Variants in HFE observed in about 807,000 individuals in gnomAD.
HFE encodes the protein homeostatic iron regulator.
A neutral mutation model predicts 40.9 loss-of-function variants in HFE; 36 were observed. That is an observed-to-expected ratio of 0.88 (90% confidence interval 0.67 to 1.16). The LOEUF (loss-of-function observed/expected upper bound fraction) is 1.16, where lower values mean the gene tolerates loss of function less well. Ranked by LOEUF, HFE falls within the 50% of genes most tolerant of loss-of-function variation. The pLI is 0.00. For missense variants in HFE, 376 were observed against 432.0 expected (o/e 0.87, Z 1.15); for synonymous variants, 157 against 165.4 (o/e 0.95, Z 0.39).
In HFE at chr6:26,091,018, T is replaced by G; in HGVS notation, c.254T>G (p.Leu85Arg). ...AGTAGAATTTCAAGCCAGATGTGGC[T>G]GCAGCTGAGTCAGAGTCTGAAAGGG... ...VSSRISSQMW[L>R]QLSQSLKGWD... Residue 85 changes from leucine to arginine, a missense_variant, in exon 2 of 6, where the codon CTG becomes CGG. Physicochemically the swap from Leu to Arg is moderately radical, Grantham distance 102. Transcript: ENST00000357618. 6.2e-7 allele frequency: 1 copy of G among 1,614,208 alleles called. No homozygotes were observed. Among genetic ancestry groups the G allele is most frequent in the Non-Finnish European group, 8.5e-7 (1 of 1,180,038 alleles).
chr6:26,096,606 T>C lies in HFE; in HGVS notation c.*2380T>C. 2.2e-6 allele frequency: 1 copy of C among 454,118 alleles called. No homozygotes were observed. The highest frequency in any genetic ancestry group is 4.4e-6 in the Non-Finnish European group (1 of 226,390). The allele number at this position is 454,118 out of a possible 1,614,324, so 28.1% of individuals were successfully genotyped here. A position where few individuals can be genotyped will look rare whatever the true frequency, so the allele number is the denominator to read the frequency against. Reference sequence around the variant, plus strand: ...TAGGCATTAAATTTTAGCAAAGATATCTCATCTCTTCTTTTAAACCATTTT... The same window carrying C: ...TAGGCATTAAATTTTAGCAAAGATACCTCATCTCTTCTTTTAAACCATTTT... On this transcript the variant is annotated 3_prime_UTR_variant, in exon 6 of 6. Coordinates refer to ENST00000357618, the MANE Select transcript of HFE (RefSeq NM_000410.4).
In HFE at chr6:26,091,393, T is replaced by C; in HGVS notation, c.420T>C (p.Tyr140=). ...NSTEGYWKYG[Y]DGQDHLEFCP... is the part of the protein sequence containing the mutation. The stretch of plus-strand genomic sequence containing the variant: ...CCGAGGGCTACTGGAAGTACGGGTA[T>C]GATGGGCAGGACCACCTTGAATTCT... Residue 140 remains tyrosine, a synonymous_variant, in exon 3 of 6, where the codon TAT becomes TAC. Coordinates refer to ENST00000357618, the MANE Select transcript of HFE (RefSeq NM_000410.4). 2 of 1,614,136 alleles carry C rather than the reference T, an allele frequency of 1.2e-6. No individual in the cohort carries two copies. The highest frequency in any genetic ancestry group is 1.1e-5 in the South Asian group (1 of 91,088).
chr6:26,092,223 A>G (rs1464450440), intron 3 of HFE, among the ~76,000 whole-genome samples: 2 of 151,020 alleles, frequency 1.3e-5, no homozygotes, highest in Non-Finnish European at 2.9e-5. Context: ...CAGCTATCAT[A>G]TGAATACCAG....
At position 26,087,533 on chromosome 6, in the gene HFE, C is replaced by G; in HGVS notation, c.76+17C>G. 3.1e-6 allele frequency: 5 copies of G among 1,605,608 alleles called. No individual in the cohort carries two copies. The highest frequency in any genetic ancestry group is 4.3e-6 in the Non-Finnish European group (5 of 1,173,292). ...GCTTGCTGCGTGAGTCCGAGGGCTGCGGGCGAACTAGGGGCGCGGCGGGGG... is the reference window on the plus strand; with the variant it reads ...GCTTGCTGCGTGAGTCCGAGGGCTGGGGGCGAACTAGGGGCGCGGCGGGGG... On this transcript the variant is annotated intron_variant, in intron 1 of 5. Coordinates refer to ENST00000357618, the MANE Select transcript of HFE (RefSeq NM_000410.4).
intron 2 of HFE, 47 bp downstream of exon 2, chr6:26,091,151 C>A: frequency 1.2e-6 from 2 of 1,611,744 alleles, no homozygotes; most frequent in Non-Finnish European, 1.7e-6. Flanking sequence ...CAGAGCTTTT[C>A]ATCTTTTCAT....
intron 5 of HFE, 95 bp from the exon 6 acceptor site, chr6:26,094,091 T>A (rs1030500405): frequency 6.7e-6 from 8 of 1,201,520 alleles, no homozygotes; most frequent in Admixed American, 1.7e-5. Context: ...CAGGTCTAAA[T>A]TGAGATGGGT....
rs1762709047 is a variant in HFE at position 26,091,535 on chromosome 6, C to T, written c.562C>T (p.Pro188Ser). Reference sequence around the variant, plus strand: ...CAGGGCCTACCTGGAGAGGGACTGCCCTGCACAGCTGCAGCAGTTGCTGGA... The same window carrying T: ...CAGGGCCTACCTGGAGAGGGACTGCTCTGCACAGCTGCAGCAGTTGCTGGA... ...QNRAYLERDC[P>S]AQLQQLLELG... The change falls in exon 3 of 6, where the codon CCT becomes TCT. Residue 188 changes from proline to serine, a missense_variant. Pro to Ser is a moderately conservative substitution (Grantham distance 74). Transcript: ENST00000357618. 1.2e-6 allele frequency: 2 copies of T among 1,613,754 alleles called. No homozygotes were observed. The highest frequency in any genetic ancestry group is 2.7e-5 in the African/African-American group (2 of 74,876).
In HFE at chr6:26,091,586, C is replaced by A. The variant is rs1581668596; in HGVS notation, c.613C>A (p.Gln205Lys). 2 of 1,612,726 alleles carry A rather than the reference C, an allele frequency of 1.2e-6. No individual in the cohort carries two copies. The highest frequency in any genetic ancestry group is 8.5e-7 in the Non-Finnish European group (1 of 1,179,842). The change falls in exon 3 of 6, where the codon CAA becomes AAA. Residue 205 changes from glutamine (Q) to lysine (K), a missense_variant. Around this residue, in one of 3 missense-constraint regions of HFE, gnomAD observed 173 missense variants for 186.9 expected, o/e 0.93. Transcript: ENST00000357618. ...GCTGGGGAGAGGTGTTTTGGACCAA[C>A]AAGGTATGGTGGAAACACACTTCTG... ...LELGRGVLDQ[Q>K]VPPLVKVTHH...
intron 5 of HFE, 134 bp from the exon 6 acceptor site, chr6:26,094,052 G>A (rs976163360): frequency 1.2e-6 from 1 of 856,050 alleles, no homozygotes; most frequent in South Asian, 1.4e-5. Context: ...CCAGATGAGA[G>A]ATAATGGTTC....
chr6:26,089,277 G>A (rs1213911580), intron 1 of HFE, among the ~76,000 whole-genome samples: 1 of 152,088 alleles, frequency 6.6e-6, no homozygotes, highest in Non-Finnish European at 1.5e-5. Context: ...ACAAACTCCT[G>A]GTTAAGAAGC....
At chr6:26,092,470 T>A in intron 3 of HFE, 3 of 743,878 alleles carry the variant, frequency 4.0e-6, no homozygotes, top group Non-Finnish European at 7.0e-6. Flanking sequence ...GATATGTATA[T>A]TTACATGTGA....
chr6:26,097,782 TTATGTTG>T lies in HFE; in HGVS notation c.*3560_*3566del, dbSNP rs1248097558. 1 of 152,206 alleles carries T rather than the reference TTATGTTG, an allele frequency of 6.6e-6. No individual in the cohort carries two copies. 9.4% of individuals were successfully genotyped at this position (152,206 alleles called of 1,614,324 possible). Reference sequence around the variant, plus strand: ...TGCTGAGAGGTACAGGCCAAAATTCTTATGTTGTATTATAATAATGTCATCTTATAAT... The same window carrying T: ...TGCTGAGAGGTACAGGCCAAAATTCTTATTATAATAATGTCATCTTATAAT... On this transcript the variant is annotated 3_prime_UTR_variant, in exon 6 of 6. Coordinates refer to ENST00000357618, the MANE Select transcript of HFE (RefSeq NM_000410.4).
At chr6:26,090,442 C>CAAAAAA (rs56267433) in intron 1 of HFE, among the ~76,000 whole-genome samples, 2,259 of 36,722 alleles carry the variant, frequency 0.062, 460 homozygotes, top group Non-Finnish European at 0.068. Context: ...GACTCTGTCT[C>CAAAAAA]AAAAAAAAAA....
intron 1 of HFE, among the ~76,000 whole-genome samples, chr6:26,090,196 C>A (rs1027160701): frequency 2.6e-5 from 4 of 151,994 alleles, no homozygotes; most frequent in African/African-American, 9.7e-5. Context: ...GTAATCCCAG[C>A]ACTTTGGTGG....
rs1462018674 is a variant in HFE, at chr6:26,097,089, C to CT, written c.*2864dup. 2 of 160,690 alleles carry CT rather than the reference C, an allele frequency of 1.2e-5. No homozygotes were observed. Among genetic ancestry groups the CT allele is most frequent in the Non-Finnish European group, 2.7e-5 (2 of 73,792 alleles). 10.0% of individuals were successfully genotyped at this position (160,690 alleles called of 1,614,324 possible). On this transcript the variant is annotated 3_prime_UTR_variant, in exon 6 of 6. Coordinates refer to ENST00000357618, the MANE Select transcript of HFE (RefSeq NM_000410.4). ...ATTTCTCTCTTAATATCTTACTATA[C>CT]TGAAAGCAGACTGCTATAAGGCTTC...
rs1385763080 is a variant in HFE, at chr6:26,098,324, A to G, written c.*4098A>G. On this transcript the variant is annotated 3_prime_UTR_variant, in exon 6 of 6. Coordinates refer to ENST00000357618, the MANE Select transcript of HFE (RefSeq NM_000410.4). Reference sequence around the variant, plus strand: ...CTTGGATGGATGAATTTGTACATTAAAAGTTTTCCATGGCAGAAATCTTTT... The same window carrying G: ...CTTGGATGGATGAATTTGTACATTAGAAGTTTTCCATGGCAGAAATCTTTT... 1 of 152,204 alleles carries G rather than the reference A, an allele frequency of 6.6e-6. No individual in the cohort carries two copies. Among genetic ancestry groups the G allele is most frequent in the Non-Finnish European group, 1.5e-5 (1 of 68,036 alleles). 9.4% of individuals were successfully genotyped at this position (152,204 alleles called of 1,614,324 possible).
rs1013607588 is a variant in HFE at position 26,095,139 on chromosome 6, T to G, written c.*913T>G. ...TACTTACATGCATTACTGCATGCAC[T>G]TCTTACAATAATTCTATGAGATAGG... On this transcript the variant is annotated 3_prime_UTR_variant, in exon 6 of 6. Coordinates refer to ENST00000357618, the MANE Select transcript of HFE (RefSeq NM_000410.4). 1 of 152,474 alleles carries G rather than the reference T, an allele frequency of 6.6e-6. No individual in the cohort carries two copies. The highest frequency in any genetic ancestry group is 1.5e-5 in the Non-Finnish European group (1 of 68,238). The allele number at this position is 152,474 out of a possible 1,614,324, so 9.4% of individuals were successfully genotyped here.
intron 1 of HFE, among the ~76,000 whole-genome samples, chr6:26,088,763 AT>A (rs1193614763): frequency 1.6e-4 from 25 of 152,208 alleles, no homozygotes; most frequent in South Asian, 6.2e-4. Context: ...TTGAGCAGAA[AT>A]ATTCATTGTT....
At chr6:26,093,065 G>C in intron 4 of HFE, 54 bp from the exon 5 acceptor site, 1 of 1,613,706 alleles carries the variant, frequency 6.2e-7, no homozygotes, top group Non-Finnish European at 8.5e-7. Flanking sequence ...CTCTTTGTTA[G>C]GGGGTGGGCT....
Sources: allele counts gnomAD v4.1 joint callset (sites outside exome capture counted in the v4.1 genomes callset), GRCh38; gene constraint gnomAD v4.1.1; regional missense constraint gnomAD v4.1.1; transcripts MANE v1.5; gene names NCBI Gene and HGNC (gene_info 2026-07-23, HGNC 2026-07-21).